RCAN2: variants seen among roughly 807,000 people sequenced by gnomAD.
The protein encoded by RCAN2 is calcipressin-2.
A neutral mutation model predicts 23.6 loss-of-function variants in RCAN2; 9 were observed. That is an observed-to-expected ratio of 0.38 (90% confidence interval 0.23 to 0.67). RCAN2 has a LOEUF of 0.67. Among genes scored for constraint, RCAN2 ranks in the 30% least tolerant of loss-of-function variants. RCAN2 has a pLI of 0.51. For missense variants in RCAN2, 273 were observed against 302.3 expected (o/e 0.90, Z 0.72); for synonymous variants, 109 against 115.7 (o/e 0.94, Z 0.37).
chr6:46,410,373 T>C (rs1004140883), intron 2 of RCAN2, among the ~76,000 whole-genome samples: 5 of 152,338 alleles, frequency 3.3e-5, no homozygotes, highest in African/African-American at 1.2e-4. Context: ...GGTTCCGACT[T>C]TCTGGAGAAC....
At chr6:46,348,559 A>G (rs1190256630) in intron 2 of RCAN2, among the ~76,000 whole-genome samples, 1 of 152,142 alleles carries the variant, frequency 6.6e-6, no homozygotes, top group African/African-American at 2.4e-5. Flanking sequence ...AGCCCTGATC[A>G]TTCTGTCTAT....
intron 2 of RCAN2, among the ~76,000 whole-genome samples, chr6:46,413,883 GGGA>G (rs1447161574): frequency 6.6e-6 from 1 of 152,170 alleles, no homozygotes; most frequent in Non-Finnish European, 1.5e-5. Flanking sequence ...AGTCAGGAAT[GGGA>G]CAAAGACAAA....
At chr6:46,249,298 T>C (rs1232803314) in intron 2 of RCAN2, among the ~76,000 whole-genome samples, 1 of 146,912 alleles carries the variant, frequency 6.8e-6, no homozygotes, top group Admixed American at 7.0e-5. Flanking sequence ...GGGGCACTTT[T>C]CTTTTTCTTT....
intron 2 of RCAN2, among the ~76,000 whole-genome samples, chr6:46,397,372 AACACACACAC>A (rs58494804): frequency 3.4e-5 from 5 of 146,138 alleles, no homozygotes; most frequent in Non-Finnish European, 6.0e-5. Context: ...ATTTCACAGA[AACACACACAC>A]ACACACACAC....
chr6:46,299,106 G>T (rs888867063), intron 2 of RCAN2, among the ~76,000 whole-genome samples: 2 of 152,014 alleles, frequency 1.3e-5, no homozygotes, highest in Non-Finnish European at 2.9e-5. Context: ...CTGCTTGTGG[G>T]GGAAGAATAG....
chr6:46,474,532 C>A (rs961466752), intron 1 of RCAN2, among the ~76,000 whole-genome samples: 1 of 152,060 alleles, frequency 6.6e-6, no homozygotes, highest in Non-Finnish European at 1.5e-5. Context: ...GATAGAAGAC[C>A]ACCTAAGCCG....
intron 2 of RCAN2, among the ~76,000 whole-genome samples, chr6:46,455,060 T>C (rs1767979187): frequency 6.6e-6 from 1 of 152,218 alleles, no homozygotes; most frequent in African/African-American, 2.4e-5. Context: ...ATGGATGATA[T>C]GATGAGAATA....
Position 46,469,819 on chromosome 6 carries a change from T to A in RCAN2, c.-2-12841A>T, listed in dbSNP as rs4711852. On this transcript the variant is annotated intron_variant, in intron 1 of 4. Coordinates refer to ENST00000371374, the MANE Select transcript of RCAN2 (RefSeq NM_001251974.2). The stretch of plus-strand genomic sequence containing the variant: ...ATTAGGTCAAAAGGGCTTCTCCCCT[T>A]GTGAATGAGATTAAGGTACTTACAA... Among the ~76,000 whole-genome samples, 4 of 152,040 alleles carry A rather than the reference T, an allele frequency of 2.6e-5. No individual in the cohort carries two copies. The East Asian group carries it at 7.7e-4, about 29-fold the overall frequency.
At chr6:46,452,793 T>A (rs1399352025) in intron 2 of RCAN2, among the ~76,000 whole-genome samples, 1 of 152,216 alleles carries the variant, frequency 6.6e-6, no homozygotes, top group African/African-American at 2.4e-5. Context: ...TTATAATTAT[T>A]AATAAATTGA....
chr6:46,274,904 C>T (rs1767642037), intron 2 of RCAN2, among the ~76,000 whole-genome samples: 1 of 152,184 alleles, frequency 6.6e-6, no homozygotes, highest in Non-Finnish European at 1.5e-5. Context: ...GGAGGGTAAC[C>T]ACGTGGCCTC....
chr6:46,251,143 AT>A (rs1224014001), intron 2 of RCAN2, among the ~76,000 whole-genome samples: 2 of 152,014 alleles, frequency 1.3e-5, no homozygotes, highest in African/African-American at 2.4e-5. Context: ...CAAAACAAGA[AT>A]TTTTCCTTGT....
At chr6:46,281,884 C>T (rs1477752667) in intron 2 of RCAN2, among the ~76,000 whole-genome samples, 1 of 152,080 alleles carries the variant, frequency 6.6e-6, no homozygotes, top group Non-Finnish European at 1.5e-5. Flanking sequence ...ATTACTTTAT[C>T]CAAGGTCACA....
At chr6:46,258,060 G>A (rs1003181227) in intron 2 of RCAN2, among the ~76,000 whole-genome samples, 1 of 152,162 alleles carries the variant, frequency 6.6e-6, no homozygotes, top group African/African-American at 2.4e-5. Context: ...ATCCCTTTGG[G>A]CATAAATTGC....
intron 2 of RCAN2, among the ~76,000 whole-genome samples, chr6:46,330,839 C>T (rs936647641): frequency 1.3e-5 from 2 of 152,274 alleles, no homozygotes; most frequent in South Asian, 2.1e-4. Context: ...TTTAGAAACT[C>T]GACACAGTGT....
intron 2 of RCAN2, among the ~76,000 whole-genome samples, chr6:46,443,600 A>C (rs1369503387): frequency 6.6e-6 from 1 of 152,014 alleles, no homozygotes. Flanking sequence ...TAATTTTTTT[A>C]TTCACTCGGC....
At chr6:46,235,108 T>C (rs1299516726) in intron 4 of RCAN2, among the ~76,000 whole-genome samples, 1 of 152,154 alleles carries the variant, frequency 6.6e-6, no homozygotes, top group Non-Finnish European at 1.5e-5. Context: ...TCTAAAATAA[T>C]CAGTATGATT....
At chr6:46,246,972 T>C in intron 3 of RCAN2, 53 bp from the exon 4 acceptor site, 1 of 1,395,950 alleles carries the variant, frequency 7.2e-7, no homozygotes, top group Non-Finnish European at 9.6e-7. Flanking sequence ...TTCAGATGTG[T>C]CATGTTGGCA....
intron 2 of RCAN2, among the ~76,000 whole-genome samples, chr6:46,320,251 T>G (rs907377632): frequency 1.8e-4 from 27 of 152,210 alleles, no homozygotes; most frequent in Admixed American, 1.2e-3. Context: ...CCAGCTTTCT[T>G]GACCAACACC....
At chr6:46,380,328 A>C (rs1765588701) in intron 2 of RCAN2, among the ~76,000 whole-genome samples, 1 of 152,240 alleles carries the variant, frequency 6.6e-6, no homozygotes. Flanking sequence ...TTGCTGCCAA[A>C]TGAGTTTGTG....
Sources: gnomAD v4.1 joint callset for allele counts (sites outside exome capture counted in the v4.1 genomes callset) on GRCh38, gnomAD v4.1.1 for gene constraint, MANE v1.5 for transcripts, NCBI Gene and HGNC (gene_info 2026-07-23, HGNC 2026-07-21) for gene names.